DHX57: variants seen among roughly 807,000 people sequenced by gnomAD.
DHX57 encodes the protein putative ATP-dependent RNA helicase DHX57.
Under a neutral mutation model 156.2 loss-of-function variants are expected in DHX57, and 105 were observed. That is an observed-to-expected ratio of 0.67 (90% CI 0.57 to 0.79). DHX57 has a LOEUF of 0.79. DHX57 is among the 30% of genes least tolerant of loss of function. The probability of loss-of-function intolerance (pLI) is 0.00; values close to 1 mark genes in which losing one functional copy is unlikely to be tolerated. For missense variants in DHX57, 1,847 were observed against 1,661.9 expected (o/e 1.11, Z -1.94); for synonymous variants, 704 against 595.6 (o/e 1.18, Z -2.65).
At chr2:38,821,064 T>G (rs533653109) in intron 17 of DHX57, among the ~76,000 whole-genome samples, 1 of 151,374 alleles carries the variant, frequency 6.6e-6, no homozygotes, top group South Asian at 2.1e-4. Flanking sequence ...TTAGAAATAA[T>G]GAAAAAAAAA....
Position 38,861,624 on chromosome 2 carries a change from T to A in DHX57, c.786A>T (p.Lys262Asn), listed in dbSNP as rs1673220216. 6 of 1,614,182 alleles carry A rather than the reference T, an allele frequency of 3.7e-6. No homozygotes were observed. The highest frequency in any genetic ancestry group is 4.2e-6 in the Non-Finnish European group (5 of 1,180,032). ...CTCTGTTCTGAATTCTTTCTATAAA[T>A]TTTTCTCCACAGATGGACTTGAGAG... ...AFALKSICGE[K>N]FIERIQNRVW... Residue 262 changes from lysine (K) to asparagine (N), a missense_variant, in exon 5 of 24, where the codon AAA (lysine) becomes AAT (asparagine). Transcript: ENST00000457308.
chr2:38,819,088 G>C lies in DHX57; in HGVS notation c.3348C>G (p.Phe1116Leu). Residue 1116 changes from phenylalanine (F) to leucine (L), a missense_variant, in exon 18 of 24, where the codon TTC (phenylalanine) becomes TTG (leucine). Coordinates refer to ENST00000457308, the MANE Select transcript of DHX57 (RefSeq NM_198963.3). ...EANQKKLEFA[F>L]ANSDYLALLQ... ...GAAGGGCCAGATAATCACTGTTTGC[G>C]AATGCAAATTCCAGCTTTTTCTGGT... 6.2e-7 allele frequency: 1 copy of C among 1,614,132 alleles called. No homozygotes were observed. Among genetic ancestry groups the C allele is most frequent in the Middle Eastern group, 1.7e-4 (1 of 6,058 alleles).
intron 9 of DHX57, among the ~76,000 whole-genome samples, chr2:38,850,356 C>G (rs907612938): frequency 5.3e-5 from 8 of 152,152 alleles, no homozygotes; most frequent in Non-Finnish European, 1.0e-4. Flanking sequence ...TATCATGGCT[C>G]ACTGCAGCCT....
At chr2:38,811,120 G>A (rs762880470) in intron 21 of DHX57, 21 of 547,876 alleles carry the variant, frequency 3.8e-5, no homozygotes, top group Non-Finnish European at 6.8e-5. Flanking sequence ...TGATGTGCAT[G>A]AGGTTCTCGT....
chr2:38,873,344 C>T (rs768920380), intron 1 of DHX57, among the ~76,000 whole-genome samples: 4 of 152,110 alleles, frequency 2.6e-5, no homozygotes, highest in Non-Finnish European at 5.9e-5. Flanking sequence ...TGTTCTCCAA[C>T]CAAAATGGAA....
chr2:38,857,937 T>C (rs1672985813), intron 6 of DHX57, among the ~76,000 whole-genome samples: 1 of 152,218 alleles, frequency 6.6e-6, no homozygotes, highest in Non-Finnish European at 1.5e-5. Flanking sequence ...AGACAGGGAC[T>C]CATTATGTTT....
At chr2:38,867,870 A>C (rs1211053826) in intron 2 of DHX57, among the ~76,000 whole-genome samples, 4 of 152,208 alleles carry the variant, frequency 2.6e-5, no homozygotes, top group Non-Finnish European at 5.9e-5. Flanking sequence ...GTTCAATGTT[A>C]ACATCATCAT....
intron 9 of DHX57, among the ~76,000 whole-genome samples, chr2:38,849,840 A>G (rs1672490100): frequency 6.6e-6 from 1 of 152,128 alleles, no homozygotes; most frequent in African/African-American, 2.4e-5. Context: ...CCTTACTCCA[A>G]AGATAGTTTT....
chr2:38,808,166 G>C (rs1016140385), intron 21 of DHX57, among the ~76,000 whole-genome samples: 16 of 147,040 alleles, frequency 1.1e-4, no homozygotes, highest in Non-Finnish European at 2.4e-4. Flanking sequence ...TGTTGGTCAG[G>C]ATGGTCTCGA....
At chr2:38,806,524 A>G in intron 22 of DHX57, 35 bp downstream of exon 22, 4 of 1,604,492 alleles carry the variant, frequency 2.5e-6, no homozygotes, top group Non-Finnish European at 3.4e-6. Flanking sequence ...CCCCAGGACG[A>G]CCTGTAAACA....
chr2:38,815,084 T>G lies in DHX57; in HGVS notation c.3606+437A>C, dbSNP rs571821658. On this transcript the variant is annotated intron_variant, in intron 20 of 23. Coordinates refer to ENST00000457308, the MANE Select transcript of DHX57 (RefSeq NM_198963.3). ...AATTTTTTTATACTTTTTTTTTTTT[T>G]GAGACAGGGTTTGGCTCTGTTGCCC... Among the ~76,000 whole-genome samples the G allele has an allele frequency of 1.8e-3, 279 of 151,180 alleles. 2 individuals are homozygous for G. The highest frequency in any genetic ancestry group is 3.4e-3 in the Middle Eastern group (1 of 292).
At chr2:38,808,222 G>C (rs1483108823) in intron 21 of DHX57, among the ~76,000 whole-genome samples, 1 of 151,596 alleles carries the variant, frequency 6.6e-6, no homozygotes, top group Non-Finnish European at 1.5e-5. Context: ...CAAAGTGCTG[G>C]GATTACAGGC....
At chr2:38,845,950 C>T (rs907456165) in intron 11 of DHX57, among the ~76,000 whole-genome samples, 1 of 151,208 alleles carries the variant, frequency 6.6e-6, no homozygotes, top group Non-Finnish European at 1.5e-5. Context: ...ACTGCAACCT[C>T]TGCCTTCCAG....
Position 38,806,654 on chromosome 2 carries a change from C to T in DHX57, c.3721G>A (p.Gly1241Arg), listed in dbSNP as rs1480131724. The T allele has an allele frequency of 3.7e-6, 6 of 1,613,860 alleles. No homozygotes were observed. The highest frequency in any genetic ancestry group is 3.3e-5 in the Admixed American group (2 of 59,954). The change falls in exon 22 of 24, where the codon GGA (glycine) becomes AGA (arginine). Residue 1241 changes from glycine to arginine, a missense_variant. Coordinates refer to ENST00000457308, the MANE Select transcript of DHX57 (RefSeq NM_198963.3). Reference protein sequence around the residue: ...PEGKFQKTSTGAVRMQPKSAE... With the variant: ...PEGKFQKTSTRAVRMQPKSAE... ...GATTTTGGTTGCATTCTGACAGCTC[C>T]AGTACTGGTCTTCTGAAATTTTCCT...
chr2:38,799,578 C>CCATCT (rs1558346916), intron 23 of DHX57, among the ~76,000 whole-genome samples: 1 of 148,164 alleles, frequency 6.7e-6, no homozygotes, highest in African/African-American at 2.5e-5. Flanking sequence ...TGGAGAAACC[C>CCATCT]CATCTCTACT....
At position 38,798,449 on chromosome 2, in the gene DHX57, T is replaced by C; in HGVS notation, c.4018-7A>G. 6.2e-7 allele frequency: 1 copy of C among 1,607,694 alleles called. No homozygotes were observed. Among genetic ancestry groups the C allele is most frequent in the Non-Finnish European group, 8.5e-7 (1 of 1,177,624 alleles). On this transcript the variant is annotated splice_region_variant and splice_polypyrimidine_tract_variant and intron_variant, in intron 23 of 23. Transcript: ENST00000457308. ...CCTTTACCAGTTCAGCCACCTAAAA[T>C]GAAAGCTACAATATAAGCAGTGCTT... is the stretch of plus-strand genomic sequence containing the variant.
chr2:38,813,390 A>C (rs1670370411), intron 21 of DHX57, among the ~76,000 whole-genome samples: 1 of 149,304 alleles, frequency 6.7e-6, no homozygotes, highest in Non-Finnish European at 1.5e-5. Context: ...TTTTTTTTTG[A>C]GATGGAGTCT....
Position 38,854,052 on chromosome 2 carries a change from A to C in DHX57, c.2030+2T>G. 1 of 1,604,110 alleles carries C rather than the reference A, an allele frequency of 6.2e-7. No individual in the cohort carries two copies. The highest frequency in any genetic ancestry group is 8.5e-7 in the Non-Finnish European group (1 of 1,175,292). The stretch of plus-strand genomic sequence containing the variant: ...TGTTCCCTGGGAAAGTCTTTGTTTT[A>C]CCTTTCTTCTGTCCTCTCATGAACT... On this transcript the variant is annotated splice_donor_variant, in intron 9 of 23. Transcript: ENST00000457308. LOFTEE classifies it high-confidence loss of function.
chr2:38,809,591 A>G (rs1316595622), intron 21 of DHX57, among the ~76,000 whole-genome samples: 1 of 150,912 alleles, frequency 6.6e-6, no homozygotes, highest in African/African-American at 2.4e-5. Flanking sequence ...CCTCCCAAGT[A>G]GTTGGGACAA....
Sources: allele counts gnomAD v4.1 joint callset (sites outside exome capture counted in the v4.1 genomes callset), GRCh38; gene constraint gnomAD v4.1.1; transcripts MANE v1.5; gene names NCBI Gene and HGNC (gene_info 2026-07-23, HGNC 2026-07-21).